PTPRK: variants seen among roughly 807,000 people sequenced by gnomAD.
PTPRK encodes the protein protein tyrosine phosphatase receptor type K, also known as receptor-type tyrosine-protein phosphatase kappa.
PTPRK carries 75 observed loss-of-function variants against 178.0 expected under a neutral mutation model. The ratio of observed to expected loss-of-function variants is 0.42; its 90% CI spans 0.35 to 0.51. The LOEUF (loss-of-function observed/expected upper bound fraction) is 0.51, where lower values mean the gene tolerates loss of function less well. Ranked by LOEUF, PTPRK falls within the 20% of genes least tolerant of loss-of-function variation. The probability of loss-of-function intolerance (pLI) is 0.02; values close to 1 mark genes in which losing one functional copy is unlikely to be tolerated. For synonymous variants in PTPRK, 637 were observed against 620.6 expected (o/e 1.03, Z -0.39); for missense variants, 1,441 against 1,797.8 (o/e 0.80, Z 3.59).
intron 1 of PTPRK, among the ~76,000 whole-genome samples, chr6:128,484,172 G>A (rs952490525): frequency 6.6e-6 from 1 of 151,800 alleles, no homozygotes; most frequent in Non-Finnish European, 1.5e-5. Flanking sequence ...TTTCTCATTT[G>A]GTATTAATGG....
chr6:128,447,332 CAT>C (rs2128403659), intron 1 of PTPRK, among the ~76,000 whole-genome samples: 1 of 152,292 alleles, frequency 6.6e-6, no homozygotes, highest in South Asian at 2.1e-4. Flanking sequence ...TAATAGCTAA[CAT>C]ATAACAAGTC....
intron 14 of PTPRK, among the ~76,000 whole-genome samples, chr6:128,007,120 A>C (rs1326149954): frequency 1.3e-5 from 2 of 150,828 alleles, no homozygotes; most frequent in Non-Finnish European, 3.0e-5. Context: ...GATAATATCC[A>C]ATGCAATGCT....
intron 7 of PTPRK, 45 bp downstream of exon 7, chr6:128,184,387 C>T (rs1349781943): frequency 6.3e-7 from 1 of 1,575,312 alleles, no homozygotes; most frequent in Non-Finnish European, 8.7e-7. Context: ...GTGTCTTATG[C>T]TAGATTCCTT....
intron 1 of PTPRK, among the ~76,000 whole-genome samples, chr6:128,418,778 C>A (rs1023915441): frequency 6.6e-6 from 1 of 152,164 alleles, no homozygotes; most frequent in African/African-American, 2.4e-5. Flanking sequence ...AAAAATCACA[C>A]CTCTGCCAAA....
intron 13 of PTPRK, among the ~76,000 whole-genome samples, chr6:128,019,598 T>C (rs1409559137): frequency 6.6e-6 from 1 of 152,170 alleles, no homozygotes; most frequent in African/African-American, 2.4e-5. Context: ...AAACATTTAC[T>C]TTTTTGTTTC....
intron 14 of PTPRK, chr6:128,005,927 G>A: frequency 1.1e-6 from 1 of 943,404 alleles, no homozygotes; most frequent in Non-Finnish European, 1.5e-6. Flanking sequence ...CTTTTTTTTT[G>A]AAATGTCACC....
intron 7 of PTPRK, among the ~76,000 whole-genome samples, chr6:128,139,923 TA>T (rs1383052780): frequency 6.6e-6 from 1 of 151,998 alleles, no homozygotes; most frequent in Non-Finnish European, 1.5e-5. Flanking sequence ...GTTGATTAAT[TA>T]AAAAGAAAAT....
At chr6:128,380,844 C>T (rs557608061) in intron 2 of PTPRK, among the ~76,000 whole-genome samples, 1 of 152,252 alleles carries the variant, frequency 6.6e-6, no homozygotes, top group Non-Finnish European at 1.5e-5. Context: ...ACAGCCCAAA[C>T]ATCTGAAAAC....
At chr6:128,029,795 T>G (rs191512220) in intron 13 of PTPRK, among the ~76,000 whole-genome samples, 2 of 152,180 alleles carry the variant, frequency 1.3e-5, no homozygotes, top group African/African-American at 4.8e-5. Context: ...TAAAGCATCA[T>G]GATCCAGATG....
At chr6:128,160,804 T>G (rs886873675) in intron 7 of PTPRK, among the ~76,000 whole-genome samples, 22 of 151,472 alleles carry the variant, frequency 1.5e-4, no homozygotes, top group Admixed American at 2.0e-4. Flanking sequence ...ATAAAAACAT[T>G]AAGGCTAATC....
At chr6:128,372,616 C>T (rs1228351761) in intron 2 of PTPRK, among the ~76,000 whole-genome samples, 1 of 152,036 alleles carries the variant, frequency 6.6e-6, no homozygotes, top group Non-Finnish European at 1.5e-5. Context: ...TTGGTCTTTC[C>T]TATTAATACT....
intron 6 of PTPRK, among the ~76,000 whole-genome samples, chr6:128,212,057 A>G (rs1007496847): frequency 1.3e-5 from 2 of 152,012 alleles, no homozygotes; most frequent in African/African-American, 4.8e-5. Context: ...AATAGTTGCT[A>G]TTTCATTGCA....
At chr6:127,991,761 T>C (rs185373805) in intron 19 of PTPRK, among the ~76,000 whole-genome samples, 1 of 151,754 alleles carries the variant, frequency 6.6e-6, no homozygotes, top group Admixed American at 6.6e-5. Flanking sequence ...ATTAAATAAG[T>C]GCCCACTATT....
At chr6:128,034,908 C>T (rs868089454) in intron 13 of PTPRK, among the ~76,000 whole-genome samples, 8 of 152,132 alleles carry the variant, frequency 5.3e-5, no homozygotes, top group Middle Eastern at 3.4e-3. Context: ...AAATGTTTCA[C>T]AGCAATGTCA....
chr6:128,216,188 C>T (rs992752059), intron 6 of PTPRK, among the ~76,000 whole-genome samples: 3 of 152,144 alleles, frequency 2.0e-5, no homozygotes, highest in Non-Finnish European at 4.4e-5. Context: ...CATCTTTCAA[C>T]TCAACCTTTC....
chr6:128,443,491 T>G (rs1223795718), intron 1 of PTPRK, among the ~76,000 whole-genome samples: 2 of 152,166 alleles, frequency 1.3e-5, no homozygotes, highest in African/African-American at 4.8e-5. Flanking sequence ...AAGGTACAAG[T>G]TGTCTGGAGC....
At chr6:128,057,061 T>C (rs936677321) in intron 13 of PTPRK, among the ~76,000 whole-genome samples, 6 of 152,180 alleles carry the variant, frequency 3.9e-5, no homozygotes, top group African/African-American at 2.4e-5. Context: ...GGTGACTTTA[T>C]CTTATGTCAT....
intron 7 of PTPRK, among the ~76,000 whole-genome samples, chr6:128,131,286 T>C (rs766781696): frequency 1.3e-5 from 2 of 152,182 alleles, no homozygotes; most frequent in Admixed American, 6.5e-5. Flanking sequence ...TGTGTGTTGC[T>C]TGAAAAACTA....
At chr6:128,166,795 T>G (rs1193914310) in intron 7 of PTPRK, among the ~76,000 whole-genome samples, 2 of 151,822 alleles carry the variant, frequency 1.3e-5, no homozygotes, top group East Asian at 3.9e-4. Context: ...GTTAAATCTT[T>G]TTGTGCTTTA....
Sources: allele counts gnomAD v4.1 joint callset (sites outside exome capture counted in the v4.1 genomes callset), GRCh38; gene constraint gnomAD v4.1.1; transcripts MANE v1.5; gene names NCBI Gene and HGNC (gene_info 2026-07-23, HGNC 2026-07-21).